The following TEX36 variants were observed in gnomAD, a reference collection of about 807,000 sequenced individuals.
TEX36 encodes testis-expressed protein 36.
A neutral mutation model predicts 13.6 loss-of-function variants in TEX36; 12 were observed. The ratio of observed to expected loss-of-function variants is 0.88; its 90% CI spans 0.56 to 1.43. The LOEUF is 1.43. Among genes scored for constraint, TEX36 ranks in the 40% most tolerant of loss-of-function variants. The probability of loss-of-function intolerance (pLI) is 0.00; values close to 1 mark genes in which losing one functional copy is unlikely to be tolerated. For missense variants in TEX36, 224 were observed against 228.3 expected, an observed-to-expected ratio of 0.98 and a Z score of 0.12; for synonymous variants, 93 against 83.0, an observed-to-expected ratio of 1.12 and a Z score of -0.65.
At chr10:125,612,871 AT>A (rs575390455) in intron 3 of TEX36, among the ~76,000 whole-genome samples, 5 of 151,474 alleles carry the variant, frequency 3.3e-5, no homozygotes, top group African/African-American at 4.8e-5. Context: ...TTGGGTTGTA[AT>A]TTTTTTTTCA....
chr10:125,614,105 T>G (rs1423420425), intron 3 of TEX36, among the ~76,000 whole-genome samples: 1 of 152,232 alleles, frequency 6.6e-6, no homozygotes, highest in Non-Finnish European at 1.5e-5. Flanking sequence ...GTTCATGTCC[T>G]TTGCCCACTT....
intron 3 of TEX36, among the ~76,000 whole-genome samples, chr10:125,597,156 C>A (rs990829257): frequency 6.6e-6 from 1 of 152,158 alleles, no homozygotes; most frequent in African/African-American, 2.4e-5. Flanking sequence ...TTACACTACC[C>A]AATGTTGTAG....
At chr10:125,601,316 C>T (rs971534575) in intron 3 of TEX36, among the ~76,000 whole-genome samples, 6 of 152,242 alleles carry the variant, frequency 3.9e-5, no homozygotes, top group African/African-American at 1.4e-4. Context: ...GGGGACCTCC[C>T]TGTAACTTGC....
chr10:125,639,230 ATATT>A (rs1160564109), intron 3 of TEX36, among the ~76,000 whole-genome samples: 2 of 152,210 alleles, frequency 1.3e-5, no homozygotes, highest in Non-Finnish European at 2.9e-5. Context: ...ACACATTTCT[ATATT>A]TATCTTCTCA....
intron 3 of TEX36, among the ~76,000 whole-genome samples, chr10:125,601,759 AC>A (rs1846150489): frequency 6.6e-6 from 1 of 152,114 alleles, no homozygotes; most frequent in African/African-American, 2.4e-5. Flanking sequence ...TGACCCTGGG[AC>A]GATTTGGGGG....
Position 125,643,936 on chromosome 10 carries a change from A to C in TEX36, c.264+17085T>G, listed in dbSNP as rs140484928. ...AAAACAAAACAAAGCAAAACAAAACAAAAGAACAACAACAAAAAAAACAAC... is the reference window on the plus strand; with the variant it reads ...AAAACAAAACAAAGCAAAACAAAACCAAAGAACAACAACAAAAAAAACAAC... On this transcript the variant is annotated intron_variant, in intron 3 of 3. Coordinates refer to the TEX36 transcript ENST00000526819. Among the ~76,000 whole-genome samples, 1,521 of 152,270 alleles carry C rather than the reference A, an allele frequency of 1.0e-2. 23 individuals are homozygous for C. The highest frequency in any genetic ancestry group is 0.035 in the African/African-American group (1,451 of 41,548).
At chr10:125,615,769 C>G (rs1291644214) in intron 3 of TEX36, among the ~76,000 whole-genome samples, 1 of 151,988 alleles carries the variant, frequency 6.6e-6, no homozygotes, top group East Asian at 1.9e-4. Context: ...CTCTGCCTGG[C>G]TTTGGTATCA....
chr10:125,599,806 C>A (rs1387477206), intron 3 of TEX36, among the ~76,000 whole-genome samples: 1 of 152,162 alleles, frequency 6.6e-6, no homozygotes, highest in African/African-American at 2.4e-5. Context: ...AAGTGTAAAT[C>A]CCTTTCTGAG....
intron 1 of TEX36, among the ~76,000 whole-genome samples, chr10:125,663,960 T>C (rs1847086342): frequency 6.6e-6 from 1 of 152,186 alleles, no homozygotes; most frequent in Non-Finnish European, 1.5e-5. Flanking sequence ...ATCCTAACTA[T>C]ATTTTTGTAC....
intron 1 of TEX36, among the ~76,000 whole-genome samples, chr10:125,679,152 C>A (rs1033245139): frequency 6.8e-6 from 1 of 147,154 alleles, no homozygotes; most frequent in Non-Finnish European, 1.5e-5. Flanking sequence ...CCCCCGCCCC[C>A]GCCAAGCTGA....
At chr10:125,674,837 G>C (rs1192476098) in intron 1 of TEX36, among the ~76,000 whole-genome samples, 3 of 152,246 alleles carry the variant, frequency 2.0e-5, no homozygotes, top group African/African-American at 7.2e-5. Context: ...ACACTGACCT[G>C]ATACCAGCAG....
intron 3 of TEX36, among the ~76,000 whole-genome samples, chr10:125,640,867 G>A (rs924400691): frequency 1.3e-5 from 2 of 152,170 alleles, no homozygotes; most frequent in Middle Eastern, 6.8e-3. Flanking sequence ...GGGTCTTAGG[G>A]TGTTACCATA....
chr10:125,609,255 G>T (rs1413089781), intron 3 of TEX36, among the ~76,000 whole-genome samples: 3 of 152,080 alleles, frequency 2.0e-5, no homozygotes, highest in Non-Finnish European at 2.9e-5. Context: ...TTGTGTGGTT[G>T]GTTGGTGGCC....
intron 1 of TEX36, among the ~76,000 whole-genome samples, chr10:125,672,218 T>G (rs1847243757): frequency 6.6e-6 from 1 of 152,206 alleles, no homozygotes; most frequent in South Asian, 2.1e-4. Flanking sequence ...TTAGTTGTGA[T>G]GTTAGTGTGT....
chr10:125,656,887 C>A (rs1252411014), intron 3 of TEX36, among the ~76,000 whole-genome samples: 2 of 151,976 alleles, frequency 1.3e-5, no homozygotes, highest in African/African-American at 4.8e-5. Context: ...ACTGAGCTGC[C>A]CCCCAGCACT....
chr10:125,655,080 G>T (rs557070533), downstream of TEX36, among the ~76,000 whole-genome samples: 128 of 152,268 alleles, frequency 8.4e-4, no homozygotes, highest in African/African-American at 3.0e-3. Flanking sequence ...TATAGGCAGC[G>T]ATTTTTTAAA....
chr10:125,651,491 G>A (rs564989797), downstream of TEX36, among the ~76,000 whole-genome samples: 11 of 152,234 alleles, frequency 7.2e-5, no homozygotes, highest in African/African-American at 1.7e-4. Context: ...TTGATGGGAC[G>A]TATCTCAAAA....
intron 3 of TEX36, among the ~76,000 whole-genome samples, chr10:125,611,871 C>A (rs1045374172): frequency 6.6e-6 from 1 of 151,870 alleles, no homozygotes; most frequent in African/African-American, 2.4e-5. Flanking sequence ...TCCCTCAGGT[C>A]TCTGCTTGTG....
At chr10:125,654,356 C>T (rs777028041), downstream of TEX36, among the ~76,000 whole-genome samples, 40 of 151,976 alleles carry the variant, frequency 2.6e-4, no homozygotes, top group Non-Finnish European at 5.6e-4. Flanking sequence ...TCAAAATATA[C>T]AGGAATAAAC....
Sources: gnomAD v4.1 joint callset for allele counts (sites outside exome capture counted in the v4.1 genomes callset) on GRCh38, gnomAD v4.1.1 for gene constraint, MANE v1.5 for transcripts, NCBI Gene and HGNC (gene_info 2026-07-23, HGNC 2026-07-21) for gene names.